UGGT2: variants seen among roughly 807,000 people sequenced by gnomAD.
UGGT2 encodes the protein UDP-glucose glycoprotein glucosyltransferase 2, also known as UDP-glucose:glycoprotein glucosyltransferase 2.
In UGGT2, 180 loss-of-function variants were observed where a neutral mutation model predicts 192.1. That is an observed-to-expected ratio of 0.94 (90% CI 0.83 to 1.06). The LOEUF is 1.06. UGGT2 is among the 50% of genes least tolerant of loss of function. The pLI is 0.00. For synonymous variants in UGGT2, 580 were observed against 591.0 expected, an observed-to-expected ratio of 0.98 and a Z score of 0.27; for missense variants, 1,849 against 1,795.7, an observed-to-expected ratio of 1.03 and a Z score of -0.54.
At chr13:95,980,191 G>A (rs918071330) in intron 10 of UGGT2, among the ~76,000 whole-genome samples, 2 of 152,176 alleles carry the variant, frequency 1.3e-5, no homozygotes, top group Non-Finnish European at 2.9e-5. Flanking sequence ...ACTTGCATAT[G>A]CATGTTTATA....
chr13:96,029,087 C>A (rs2052752719), intron 2 of UGGT2, among the ~76,000 whole-genome samples: 2 of 151,960 alleles, frequency 1.3e-5, no homozygotes, highest in Non-Finnish European at 1.5e-5. Flanking sequence ...GGAGGCGGAG[C>A]TGGCAGTTAG....
chr13:95,949,305 A>G (rs1351639699), intron 13 of UGGT2, 30 bp downstream of exon 13: 1 of 1,465,764 alleles, frequency 6.8e-7, no homozygotes, highest in Admixed American at 2.2e-5. Flanking sequence ...TTTATAAGAT[A>G]TATATGTATA....
chr13:96,016,041 C>A (rs1248555783), intron 4 of UGGT2, among the ~76,000 whole-genome samples: 1 of 152,028 alleles, frequency 6.6e-6, no homozygotes, highest in African/African-American at 2.4e-5. Context: ...GAAGTTTGAA[C>A]TTAAGAGGGA....
At chr13:96,006,242 C>T (rs2051970437) in intron 5 of UGGT2, among the ~76,000 whole-genome samples, 2 of 151,976 alleles carry the variant, frequency 1.3e-5, no homozygotes, top group South Asian at 2.1e-4. Flanking sequence ...TAAGAAGGAG[C>T]CAAATGGCAA....
At chr13:95,970,322 T>A in intron 11 of UGGT2, 60 bp from the exon 12 acceptor site, 1 of 1,457,374 alleles carries the variant, frequency 6.9e-7, no homozygotes, top group Non-Finnish European at 9.4e-7. Context: ...ACAAATGTTT[T>A]AAAGTTTGAT....
At chr13:95,866,981 C>T (rs1890725501) in intron 30 of UGGT2, among the ~76,000 whole-genome samples, 1 of 152,200 alleles carries the variant, frequency 6.6e-6, no homozygotes, top group South Asian at 2.1e-4. Context: ...TCATTAAAAA[C>T]TCCCTTTCTC....
intron 20 of UGGT2, among the ~76,000 whole-genome samples, chr13:95,921,851 T>G (rs1033647932): frequency 6.6e-6 from 1 of 152,216 alleles, no homozygotes; most frequent in Admixed American, 6.5e-5. Context: ...CTTCAGCCAC[T>G]GTAAAAAGCA....
chr13:95,933,443 C>T (rs1269434035), intron 17 of UGGT2, among the ~76,000 whole-genome samples: 1 of 152,066 alleles, frequency 6.6e-6, no homozygotes, highest in Non-Finnish European at 1.5e-5. Flanking sequence ...TTATTTAGAT[C>T]GTTTCTCCTT....
intron 27 of UGGT2, among the ~76,000 whole-genome samples, chr13:95,883,493 G>A (rs532686548): frequency 3.2e-4 from 49 of 152,210 alleles, no homozygotes; most frequent in Middle Eastern, 3.4e-3. Context: ...TAATCCCCAC[G>A]TCAGGGGAGG....
intron 5 of UGGT2, 21 bp from the exon 6 acceptor site, chr13:95,999,328 T>C (rs751067886): frequency 3.7e-6 from 6 of 1,606,934 alleles, no homozygotes; most frequent in Non-Finnish European, 5.1e-6. Context: ...ACATTTATTT[T>C]ATAAAAAGCG....
intron 2 of UGGT2, among the ~76,000 whole-genome samples, chr13:96,028,605 T>TA (rs1251083379): frequency 6.6e-6 from 1 of 152,186 alleles, no homozygotes; most frequent in Admixed American, 6.5e-5. Context: ...ATTCATTGCT[T>TA]AAAAAGTCTT....
At chr13:95,863,116 A>G (rs755761064) in intron 31 of UGGT2, among the ~76,000 whole-genome samples, 5 of 151,948 alleles carry the variant, frequency 3.3e-5, no homozygotes, top group Non-Finnish European at 7.4e-5. Context: ...TCCTGCCATC[A>G]CCTCTCAAAG....
At position 95,872,798 on chromosome 13, in the gene UGGT2, A is replaced by G. The variant is rs146171845; in HGVS notation, c.3473+4481T>C. Reference sequence around the variant, plus strand: ...TGTGTATGATAGAAAATAATAGTAAAGAAGATAAAATAGAATCTAAATCAT... The same window carrying G: ...TGTGTATGATAGAAAATAATAGTAAGGAAGATAAAATAGAATCTAAATCAT... On this transcript the variant is annotated intron_variant, in intron 29 of 38. Coordinates refer to ENST00000376747, the MANE Select transcript of UGGT2 (RefSeq NM_020121.4). Among the ~76,000 whole-genome samples the G allele has an allele frequency of 9.6e-3, 1,460 of 151,700 alleles. 18 individuals carry two copies. Among genetic ancestry groups the G allele is most frequent in the South Asian group, 0.019 (90 of 4,832 alleles).
rs112698104 is a variant in UGGT2, at chr13:95,999,245, T to G, written c.723A>C (p.Thr241=). 22 of 1,613,682 alleles carry G rather than the reference T, an allele frequency of 1.4e-5. No homozygotes were observed. The highest frequency in any genetic ancestry group is 1.1e-4 in the African/African-American group (8 of 75,036). ...GYGVELAIKS[T]EYKALDDTQV... is the part of the protein sequence containing the mutation. Reference sequence around the variant, plus strand: ...GGGTATCATCCAGTGCTTTGTATTCTGTACTCTTAATTGCTAGCTCCACAC... The same window carrying G: ...GGGTATCATCCAGTGCTTTGTATTCGGTACTCTTAATTGCTAGCTCCACAC... The change falls in exon 6 of 39, where the codon ACA becomes ACC. Residue 241 remains threonine, a synonymous_variant. Transcript: ENST00000376747.
At chr13:95,902,413 C>T (rs1229927138) in intron 21 of UGGT2, among the ~76,000 whole-genome samples, 1 of 152,080 alleles carries the variant, frequency 6.6e-6, no homozygotes, top group African/African-American at 2.4e-5. Context: ...AGAACAGGGA[C>T]AGGGACTCTA....
intron 33 of UGGT2, 139 bp downstream of exon 33, chr13:95,859,452 C>A: frequency 1.5e-6 from 1 of 659,142 alleles, no homozygotes; most frequent in East Asian, 3.0e-5. Context: ...CAGAATTTTT[C>A]TTAAGCTACA....
chr13:96,014,119 T>G (rs2052251458), intron 4 of UGGT2, among the ~76,000 whole-genome samples: 1 of 152,194 alleles, frequency 6.6e-6, no homozygotes, highest in African/African-American at 2.4e-5. Context: ...CAGGAAAAGA[T>G]CAAATGGAAA....
rs528239068 is a variant in UGGT2, at chr13:95,878,664, G to A, written c.3229-808C>T. Among the ~76,000 whole-genome samples the A allele has an allele frequency of 2.0e-5, 3 of 152,276 alleles. No individual in the cohort carries two copies. In the East Asian group the frequency reaches 5.8e-4, roughly 29 times the overall value. On this transcript the variant is annotated intron_variant, in intron 27 of 38. Coordinates refer to ENST00000376747, the MANE Select transcript of UGGT2 (RefSeq NM_020121.4). ...TGATTTTCACAGACAGAATTCTGTT[G>A]AGATTAAAGACAGCAATGTTACCTA... is the stretch of plus-strand genomic sequence containing the variant.
intron 12 of UGGT2, among the ~76,000 whole-genome samples, chr13:95,957,537 G>A (rs1234843306): frequency 1.3e-5 from 2 of 152,192 alleles, no homozygotes; most frequent in Non-Finnish European, 2.9e-5. Context: ...CACCGTCTGA[G>A]ACTGATATCT....
Sources: gnomAD v4.1 joint callset for allele counts (sites outside exome capture counted in the v4.1 genomes callset) on GRCh38, gnomAD v4.1.1 for gene constraint, MANE v1.5 for transcripts, NCBI Gene and HGNC (gene_info 2026-07-23, HGNC 2026-07-21) for gene names.